Variants in EBF2 observed in about 807,000 individuals in gnomAD.
EBF2 encodes transcription factor COE2.
EBF2 carries 21 observed loss-of-function variants against 72.8 expected under a neutral mutation model. That is an observed-to-expected ratio of 0.29 (90% CI 0.20 to 0.42). The LOEUF is 0.42. Among genes scored for constraint, EBF2 ranks in the 10% least tolerant of loss-of-function variants. The pLI is 1.00. For synonymous variants in EBF2, 299 were observed against 274.2 expected (o/e 1.09, Z -0.89); for missense variants, 637 against 731.2 (o/e 0.87, Z 1.49).
chr8:25,893,139 A>G (rs1041072584), intron 7 of EBF2, among the ~76,000 whole-genome samples: 6 of 152,158 alleles, frequency 3.9e-5, no homozygotes, highest in African/African-American at 1.4e-4. Flanking sequence ...ATAATAGGAG[A>G]AGAGAGAGAA....
intron 6 of EBF2, among the ~76,000 whole-genome samples, chr8:25,916,884 T>C (rs988084770): frequency 2.6e-5 from 4 of 152,158 alleles, no homozygotes; most frequent in African/African-American, 9.7e-5. Flanking sequence ...CAAGAGCTCC[T>C]TCATCACTCA....
At chr8:25,998,059 TA>T (rs1186327009) in intron 6 of EBF2, among the ~76,000 whole-genome samples, 1 of 152,144 alleles carries the variant, frequency 6.6e-6, no homozygotes, top group South Asian at 2.1e-4. Context: ...CAAAATAGAC[TA>T]AAAAATAAAG....
intron 5 of EBF2, among the ~76,000 whole-genome samples, chr8:26,034,825 A>G (rs568332377): frequency 1.3e-5 from 2 of 152,320 alleles, no homozygotes; most frequent in South Asian, 2.1e-4. Flanking sequence ...TGCCCTGCCC[A>G]TGGTAGTTTT....
In EBF2 at chr8:25,841,752, T is replaced by G. The variant is rs1801748467; in HGVS notation, c.*2857A>C. ...TTTACAGTACAAAAATTTTATTTTT[T>G]TGTTAGGATAATTTAAAGTTTAAAA... On this transcript the variant is annotated 3_prime_UTR_variant, in exon 16 of 16. Transcript: ENST00000520164. The G allele has an allele frequency of 6.6e-6, 1 of 152,158 alleles. No individual in the cohort carries two copies. Among genetic ancestry groups the G allele is most frequent in the Admixed American group, 6.5e-5 (1 of 15,286 alleles). 9.4% of individuals were successfully genotyped at this position (152,158 alleles called of 1,614,324 possible).
chr8:25,882,533 C>A (rs1205829619), intron 10 of EBF2, among the ~76,000 whole-genome samples: 1 of 152,076 alleles, frequency 6.6e-6, no homozygotes, highest in East Asian at 1.9e-4. Flanking sequence ...CCGTGGAAAT[C>A]AGTAAATGGT....
At chr8:25,967,852 A>G (rs1044907930) in intron 6 of EBF2, among the ~76,000 whole-genome samples, 7 of 152,222 alleles carry the variant, frequency 4.6e-5, no homozygotes, top group Non-Finnish European at 1.0e-4. Flanking sequence ...CACACGTAAA[A>G]CAAGGGTAAG....
At position 25,885,401 on chromosome 8, in the gene EBF2, A is replaced by G. The variant is rs374529160; in HGVS notation, c.1009+1354T>C. Reference sequence around the variant, plus strand: ...TCTGGACCCATTAAATGAATCCCCAATTTCTCCTCCCTTAACCCTTGGTAC... The same window carrying G: ...TCTGGACCCATTAAATGAATCCCCAGTTTCTCCTCCCTTAACCCTTGGTAC... On this transcript the variant is annotated intron_variant, in intron 10 of 15. Coordinates refer to ENST00000520164, the MANE Select transcript of EBF2 (RefSeq NM_022659.4). Among the ~76,000 whole-genome samples, 13 of 151,880 alleles carry G rather than the reference A, an allele frequency of 8.6e-5. No individual in the cohort carries two copies. The East Asian group carries it at 1.2e-3, about 14-fold the overall frequency.
chr8:25,979,892 C>A (rs1284317764), intron 6 of EBF2, among the ~76,000 whole-genome samples: 3 of 152,096 alleles, frequency 2.0e-5, no homozygotes, highest in Non-Finnish European at 4.4e-5. Context: ...TAACACCCAC[C>A]CAACCATCCC....
intron 14 of EBF2, among the ~76,000 whole-genome samples, chr8:25,857,240 CTA>C (rs1421800459): frequency 6.6e-6 from 1 of 152,052 alleles, no homozygotes; most frequent in African/African-American, 2.4e-5. Flanking sequence ...CTGCTTGGTG[CTA>C]TATCTTTATC....
chr8:25,943,506 T>C (rs1803715075), intron 6 of EBF2, among the ~76,000 whole-genome samples: 1 of 151,912 alleles, frequency 6.6e-6, no homozygotes, highest in Non-Finnish European at 1.5e-5. Flanking sequence ...CTAGACCCTG[T>C]CTCTCAAAAA....
intron 6 of EBF2, among the ~76,000 whole-genome samples, chr8:25,934,294 T>C (rs1249325220): frequency 6.6e-6 from 1 of 151,714 alleles, no homozygotes; most frequent in Non-Finnish European, 1.5e-5. Flanking sequence ...GTTTTTGATA[T>C]CTGTTCTCTG....
intron 14 of EBF2, among the ~76,000 whole-genome samples, chr8:25,857,299 T>C (rs942045928): frequency 1.1e-4 from 17 of 151,968 alleles, no homozygotes; most frequent in Non-Finnish European, 1.6e-4. Context: ...AATCCAGAAA[T>C]AGCTCATAGG....
At chr8:25,856,025 T>G (rs1295254370) in intron 14 of EBF2, among the ~76,000 whole-genome samples, 1 of 152,166 alleles carries the variant, frequency 6.6e-6, no homozygotes, top group African/African-American at 2.4e-5. Context: ...GTTTGGGTGA[T>G]CATGAAAGAA....
intron 7 of EBF2, among the ~76,000 whole-genome samples, chr8:25,897,184 G>A (rs1802874474): frequency 6.6e-6 from 1 of 151,840 alleles, no homozygotes; most frequent in Admixed American, 6.6e-5. Context: ...GGCATCAATG[G>A]CATTACTCCT....
chr8:26,007,970 C>G (rs1387989516), intron 6 of EBF2, among the ~76,000 whole-genome samples: 1 of 151,822 alleles, frequency 6.6e-6, no homozygotes, highest in East Asian at 1.9e-4. Flanking sequence ...TGCATAGTTT[C>G]CAAGTGAAAT....
intron 6 of EBF2, among the ~76,000 whole-genome samples, chr8:25,915,060 A>G (rs926594620): frequency 6.6e-6 from 1 of 152,206 alleles, no homozygotes; most frequent in Non-Finnish European, 1.5e-5. Flanking sequence ...GCCTATATTC[A>G]TTGAGCTTAT....
At chr8:25,901,966 T>C (rs1802960523) in intron 7 of EBF2, among the ~76,000 whole-genome samples, 1 of 152,204 alleles carries the variant, frequency 6.6e-6, no homozygotes, top group Non-Finnish European at 1.5e-5. Context: ...CTCTGCTGTA[T>C]CTCCAGCACC....
intron 6 of EBF2, among the ~76,000 whole-genome samples, chr8:26,000,590 G>A (rs916069569): frequency 2.6e-4 from 39 of 152,172 alleles, no homozygotes; most frequent in African/African-American, 6.8e-4. Flanking sequence ...GGAATTGTTA[G>A]TATTTCATAA....
In EBF2 at chr8:25,844,048, CCTT is replaced by C. The variant is rs1801783358; in HGVS notation, c.*558_*560del. 6.6e-6 allele frequency: 1 copy of C among 151,728 alleles called. No homozygotes were observed. Among genetic ancestry groups the C allele is most frequent in the Non-Finnish European group, 1.5e-5 (1 of 67,962 alleles). 9.4% of individuals were successfully genotyped at this position (151,728 alleles called of 1,614,324 possible). ...ATTGTAAAACATTTTAAAATTTTTC[CCTT>C]TTTTTGTTCATTTTTTAAAGAGATT... is the stretch of plus-strand genomic sequence containing the variant. On this transcript the variant is annotated 3_prime_UTR_variant, in exon 16 of 16. Transcript: ENST00000520164.
Sources: allele counts gnomAD v4.1 joint callset (sites outside exome capture counted in the v4.1 genomes callset), GRCh38; gene constraint gnomAD v4.1.1; transcripts MANE v1.5; gene names NCBI Gene and HGNC (gene_info 2026-07-23, HGNC 2026-07-21).